TMPRSS2: variants seen among roughly 807,000 people sequenced by gnomAD.
TMPRSS2 encodes transmembrane serine protease 2.
Under a neutral mutation model 67.4 loss-of-function variants are expected in TMPRSS2, and 59 were observed. The observed-to-expected ratio is 0.88, with a 90% CI of 0.71 to 1.09. The LOEUF (loss-of-function observed/expected upper bound fraction) is 1.09, where lower values mean the gene tolerates loss of function less well. TMPRSS2 is among the 50% of genes least tolerant of loss of function. The pLI is 0.00. For missense variants in TMPRSS2, 668 were observed against 642.7 expected (o/e 1.04, Z -0.43); for synonymous variants, 257 against 257.0 (o/e 1.00, Z 0.00).
At chr21:41,507,973 C>G in intron 1 of TMPRSS2, 108 bp downstream of exon 1, 1 of 1,463,108 alleles carries the variant, frequency 6.8e-7, no homozygotes, top group South Asian at 1.3e-5. Flanking sequence ...CTCCTCACAC[C>G]CGCTTTCACC....
chr21:41,484,859 G>A (rs2091283830), intron 5 of TMPRSS2, among the ~76,000 whole-genome samples: 1 of 152,118 alleles, frequency 6.6e-6, no homozygotes, highest in Admixed American at 6.6e-5. Flanking sequence ...GTGCCATGGT[G>A]GGAAAAAACA....
intron 2 of TMPRSS2, among the ~76,000 whole-genome samples, chr21:41,496,402 CT>C (rs1159641178): frequency 6.6e-6 from 1 of 152,204 alleles, no homozygotes; most frequent in Non-Finnish European, 1.5e-5. Flanking sequence ...GTTAGCAGCT[CT>C]GCTGCAATAA....
intron 1 of TMPRSS2, among the ~76,000 whole-genome samples, chr21:41,504,218 A>T (rs1284548918): frequency 6.6e-6 from 1 of 152,094 alleles, no homozygotes; most frequent in African/African-American, 2.4e-5. Flanking sequence ...TGCCACAACC[A>T]CAAGCCAAGG....
rs763515247 is a variant in TMPRSS2 at position 41,498,123 on chromosome 21, T to C, written c.11A>G (p.Asn4Ser). Residue 4 changes from asparagine to serine, a missense_variant, in exon 2 of 14, where the codon AAC (asparagine) becomes AGC (serine). Physicochemically the swap from Asn to Ser is conservative, Grantham distance 46. Coordinates refer to ENST00000332149, the MANE Select transcript of TMPRSS2 (RefSeq NM_005656.4). The part of the protein sequence containing the change: MAL[N>S]SGSPPAIGPY... ...AGGTAATAATTAACCACTTACTGAGTTCAAAGCCATCTTGCTGTTATCAAC... is the reference window on the plus strand; with the variant it reads ...AGGTAATAATTAACCACTTACTGAGCTCAAAGCCATCTTGCTGTTATCAAC... 4.3e-5 allele frequency: 69 copies of C among 1,609,604 alleles called. No individual in the cohort carries two copies. The highest frequency in any genetic ancestry group is 5.6e-5 in the Non-Finnish European group (66 of 1,176,426).
At chr21:41,479,380 GA>G (rs2091239665) in intron 6 of TMPRSS2, 98 bp from the exon 7 acceptor site, 1 of 897,540 alleles carries the variant, frequency 1.1e-6, no homozygotes, top group African/African-American at 1.7e-5. Context: ...TTCAGAATAA[GA>G]GGGAAAAACC....
At chr21:41,488,684 C>T (rs1048779465) in intron 4 of TMPRSS2, among the ~76,000 whole-genome samples, 171 bp from the exon 5 acceptor site, 1 of 152,360 alleles carries the variant, frequency 6.6e-6, no homozygotes, top group African/African-American at 2.4e-5. Context: ...GTCACCCAGG[C>T]TGGAGTGCAG....
intron 1 of TMPRSS2, among the ~76,000 whole-genome samples, chr21:41,507,426 C>G (rs912185022): frequency 1.4e-4 from 22 of 152,182 alleles, no homozygotes; most frequent in African/African-American, 5.1e-4. Context: ...GTCGCCGCAA[C>G]GGGGCCTGAG....
chr21:41,480,918 G>GTT (rs2091252428), intron 5 of TMPRSS2, among the ~76,000 whole-genome samples: 1 of 152,188 alleles, frequency 6.6e-6, no homozygotes, highest in Non-Finnish European at 1.5e-5. Context: ...AATTACAGGC[G>GTT]TGAGCCATTG....
chr21:41,469,074 C>T (rs1318059065), intron 11 of TMPRSS2, among the ~76,000 whole-genome samples: 1 of 152,132 alleles, frequency 6.6e-6, no homozygotes, highest in African/African-American at 2.4e-5. Context: ...CTTCTGGGCA[C>T]CGTGGGCTTA....
At chr21:41,470,550 GAGT>G in intron 11 of TMPRSS2, 95 bp downstream of exon 11, 1 of 1,108,900 alleles carries the variant, frequency 9.0e-7, no homozygotes, top group Non-Finnish European at 1.3e-6. Context: ...TCCAGTCATT[GAGT>G]AGTAGAACTG....
chr21:41,490,044 A>G (rs967734691), intron 3 of TMPRSS2, among the ~76,000 whole-genome samples: 1 of 151,670 alleles, frequency 6.6e-6, no homozygotes, highest in Non-Finnish European at 1.5e-5. Flanking sequence ...GCTACTTGGG[A>G]GGCTGAGGCA....
intron 3 of TMPRSS2, among the ~76,000 whole-genome samples, chr21:41,492,939 C>A (rs2091349494): frequency 6.6e-6 from 1 of 152,186 alleles, no homozygotes; most frequent in Admixed American, 6.5e-5. Context: ...TTCCTTCCAT[C>A]CCCACGGTGG....
At chr21:41,468,743 A>T in intron 11 of TMPRSS2, 1 of 553,240 alleles carries the variant, frequency 1.8e-6, no homozygotes, top group South Asian at 2.7e-5. Flanking sequence ...CCTGTGCTGA[A>T]TGCAGCTCTG....
At chr21:41,472,501 C>T (rs1196290880) in intron 9 of TMPRSS2, among the ~76,000 whole-genome samples, 1 of 152,106 alleles carries the variant, frequency 6.6e-6, no homozygotes, top group Non-Finnish European at 1.5e-5. Flanking sequence ...GGTAACAGCC[C>T]TTGAGAGAAA....
intron 1 of TMPRSS2, among the ~76,000 whole-genome samples, chr21:41,503,689 T>C (rs924555710): frequency 6.6e-6 from 1 of 152,214 alleles, no homozygotes; most frequent in Non-Finnish European, 1.5e-5. Context: ...CCTTAGAATG[T>C]ACCGAATTCC....
intron 3 of TMPRSS2, 29 bp from the exon 4 acceptor site, chr21:41,489,622 A>AC: frequency 6.5e-7 from 1 of 1,531,522 alleles, no homozygotes; most frequent in Non-Finnish European, 9.0e-7. Flanking sequence ...TGCAACGTTC[A>AC]GACCAGAGTT....
intron 1 of TMPRSS2, 36 bp from the exon 2 acceptor site, chr21:41,498,225 T>A (rs879106387): frequency 1.4e-6 from 2 of 1,406,330 alleles, no homozygotes; most frequent in South Asian, 2.4e-5. Context: ...AATATTTCCA[T>A]ACCAGTTAGT....
Position 41,473,454 on chromosome 21 carries a change from A to G in TMPRSS2, c.770T>C (p.Val257Ala), listed in dbSNP as rs1229853397. The change falls in exon 9 of 14, where the codon GTG becomes GCG. Residue 257 changes from valine (V) to alanine (A), a missense_variant. Physicochemically the swap from Val to Ala is moderately conservative, Grantham distance 64. Coordinates refer to ENST00000332149, the MANE Select transcript of TMPRSS2 (RefSeq NM_005656.4). ...NLNSSRQSRI[V>A]GGESALPGAW... ...CCCCGGGAGCGCGCTCTCGCCGCCC[A>G]CAATCCTGCTCTGGCGGCTTGAGTT... 2 of 1,610,242 alleles carry G rather than the reference A, an allele frequency of 1.2e-6. No homozygotes were observed. The highest frequency in any genetic ancestry group is 1.1e-5 in the South Asian group (1 of 90,556).
intron 1 of TMPRSS2, among the ~76,000 whole-genome samples, chr21:41,505,711 C>T (rs1399675646): frequency 6.6e-6 from 1 of 152,166 alleles, no homozygotes; most frequent in Non-Finnish European, 1.5e-5. Context: ...ATCAGGATTC[C>T]GGGCGCCTTG....
Sources: allele counts gnomAD v4.1 joint callset (sites outside exome capture counted in the v4.1 genomes callset), GRCh38; gene constraint gnomAD v4.1.1; transcripts MANE v1.5; gene names NCBI Gene and HGNC (gene_info 2026-07-23, HGNC 2026-07-21).